Variants in MRPL18 observed in about 807,000 individuals in gnomAD.
The protein encoded by MRPL18 is large ribosomal subunit protein uL18m.
MRPL18 carries 16 observed loss-of-function variants against 20.9 expected under a neutral mutation model. The ratio of observed to expected loss-of-function variants is 0.76; its 90% CI spans 0.52 to 1.16. The LOEUF is 1.16. MRPL18 is among the 50% of genes most tolerant of loss of function. The pLI is 0.00. For synonymous variants in MRPL18, 91 were observed against 87.1 expected, an observed-to-expected ratio of 1.04 and a Z score of -0.25; for missense variants, 233 against 230.6, an observed-to-expected ratio of 1.01 and a Z score of -0.07.
chr6:159,794,778 G>A (rs926450209), intron 2 of MRPL18, among the ~76,000 whole-genome samples: 8 of 152,242 alleles, frequency 5.3e-5, no homozygotes, highest in African/African-American at 9.6e-5. Flanking sequence ...GGTGTTTCTT[G>A]TTAGGTGGAA....
chr6:159,793,907 G>A lies in MRPL18; in HGVS notation c.239+2781G>A, dbSNP rs571360657. Among the ~76,000 whole-genome samples the A allele has an allele frequency of 5.4e-3, 796 of 147,356 alleles. 5 individuals are homozygous for A. The highest frequency in any genetic ancestry group is 0.018 in the African/African-American group (750 of 40,660). On this transcript the variant is annotated intron_variant, in intron 2 of 3. Coordinates refer to ENST00000367034, the MANE Select transcript of MRPL18 (RefSeq NM_014161.5). ...AGCCTGGGCAACAGACTGAGACTCC[G>A]TCTCAAAAAAAAAAAAAGAGATTGT...
At chr6:159,793,123 G>A (rs557571805) in intron 2 of MRPL18, among the ~76,000 whole-genome samples, 26 of 151,946 alleles carry the variant, frequency 1.7e-4, no homozygotes, top group Non-Finnish European at 2.9e-4. Flanking sequence ...CACTGCACTC[G>A]GCCCCAACGC....
intron 2 of MRPL18, among the ~76,000 whole-genome samples, chr6:159,796,016 C>T (rs1422866152): frequency 2.0e-5 from 3 of 152,090 alleles, no homozygotes; most frequent in Non-Finnish European, 4.4e-5. Flanking sequence ...AACTCCTTGG[C>T]TCTAGCAGTC....
At chr6:159,791,362 A>G (rs1184005178) in intron 2 of MRPL18, among the ~76,000 whole-genome samples, 5 of 152,180 alleles carry the variant, frequency 3.3e-5, no homozygotes, top group Non-Finnish European at 5.9e-5. Flanking sequence ...GATCTGAAAG[A>G]GGAAGAAGCC....
At chr6:159,793,569 C>T (rs1780959482) in intron 2 of MRPL18, among the ~76,000 whole-genome samples, 1 of 152,170 alleles carries the variant, frequency 6.6e-6, no homozygotes, top group Admixed American at 6.5e-5. Flanking sequence ...AAAATATTTA[C>T]TATCTGGCAC....
At chr6:159,797,785 T>C (rs1424518294) in intron 3 of MRPL18, among the ~76,000 whole-genome samples, 1 of 152,214 alleles carries the variant, frequency 6.6e-6, no homozygotes, top group Non-Finnish European at 1.5e-5. Context: ...ACTGATTCTG[T>C]AGTCCATGAT....
At chr6:159,791,543 ACTTT>A (rs1366196779) in intron 2 of MRPL18, among the ~76,000 whole-genome samples, 1 of 152,168 alleles carries the variant, frequency 6.6e-6, no homozygotes, top group African/African-American at 2.4e-5. Context: ...AGCACTTTAG[ACTTT>A]CTTTTCATTA....
intron 2 of MRPL18, among the ~76,000 whole-genome samples, chr6:159,795,565 G>A (rs925731102): frequency 4.6e-5 from 7 of 152,272 alleles, no homozygotes; most frequent in Middle Eastern, 3.4e-3. Context: ...GCAGGGGGTT[G>A]GGGGTAAGGT....
intron 2 of MRPL18, among the ~76,000 whole-genome samples, chr6:159,792,090 G>A (rs1176139145): frequency 6.6e-6 from 1 of 152,170 alleles, no homozygotes; most frequent in Non-Finnish European, 1.5e-5. Context: ...ATTACATCAT[G>A]AAGCAGTTAT....
At chr6:159,795,304 C>G (rs1340756233) in intron 2 of MRPL18, among the ~76,000 whole-genome samples, 3 of 152,204 alleles carry the variant, frequency 2.0e-5, no homozygotes, top group African/African-American at 4.8e-5. Context: ...GGGGGACGGT[C>G]AGGTCTTTCC....
chr6:159,796,548 G>C (rs1781033262), intron 2 of MRPL18, among the ~76,000 whole-genome samples: 2 of 151,920 alleles, frequency 1.3e-5, no homozygotes, highest in Admixed American at 6.6e-5. Flanking sequence ...AGTGCTTTGG[G>C]AGGTTGAGAA....
rs770658075 is a variant in MRPL18 at position 159,790,596 on chromosome 6, T to G, written c.9T>G (p.Leu3=). ...CCGAGATCGTCTCAGCGATGGCGCT[T>G]CGGTCGCGGTTTTGGGGGTTGTTCT... MA[L]RSRFWGLFSV... is the part of the protein sequence containing the mutation. Residue 3 remains leucine (L), a synonymous_variant, in exon 1 of 4, where the codon CTT becomes CTG. Coordinates refer to ENST00000367034, the MANE Select transcript of MRPL18 (RefSeq NM_014161.5). 1.9e-6 allele frequency: 3 copies of G among 1,562,796 alleles called. No homozygotes were observed. Among genetic ancestry groups the G allele is most frequent in the Non-Finnish European group, 2.6e-6 (3 of 1,155,478 alleles).
At chr6:159,796,937 C>T (rs549405060) in intron 2 of MRPL18, among the ~76,000 whole-genome samples, 1 of 152,188 alleles carries the variant, frequency 6.6e-6, no homozygotes, top group East Asian at 1.9e-4. Flanking sequence ...TATTTTGGTG[C>T]TAGCTATAAA....
rs190274054 is a variant in MRPL18 at position 159,795,360 on chromosome 6, T to G, written c.240-1927T>G. 6.4e-3 allele frequency among the ~76,000 whole-genome samples: 978 copies of G among 152,366 alleles called. 8 individuals carry two copies. The highest frequency in any genetic ancestry group is 0.021 in the African/African-American group (889 of 41,582). The stretch of plus-strand genomic sequence containing the variant: ...CAGTCTATCACATGGGGAGAAACCT[T>G]GGACAATACCTGGCTTTCCTAGGCA... On this transcript the variant is annotated intron_variant, in intron 2 of 3. Transcript: ENST00000367034.
At chr6:159,794,936 G>A (rs1339892152) in intron 2 of MRPL18, among the ~76,000 whole-genome samples, 2 of 152,196 alleles carry the variant, frequency 1.3e-5, no homozygotes, top group Non-Finnish European at 2.9e-5. Flanking sequence ...TCTGAGAGGG[G>A]GATGTGTCAG....
At chr6:159,789,842 C>G (rs1325929113), upstream of MRPL18, 6 of 309,750 alleles carry the variant, frequency 1.9e-5, no homozygotes, top group Non-Finnish European at 3.8e-5. Flanking sequence ...TCGCCTCAAA[C>G]GATGTTGCGC....
chr6:159,796,848 T>C (rs1419506970), intron 2 of MRPL18, among the ~76,000 whole-genome samples: 2 of 152,188 alleles, frequency 1.3e-5, no homozygotes, highest in Non-Finnish European at 2.9e-5. Flanking sequence ...CTTGAGATTA[T>C]AAAAAAATTT....
chr6:159,793,060 C>T (rs1276560590), intron 2 of MRPL18, among the ~76,000 whole-genome samples: 1 of 151,454 alleles, frequency 6.6e-6, no homozygotes, highest in African/African-American at 2.4e-5. Context: ...CTCTTGAGCT[C>T]GAGAGATCTG....
In MRPL18 at chr6:159,790,490, C is replaced by T. The variant is rs553709849; in HGVS notation, c.-98C>T. On this transcript the variant is annotated 5_prime_UTR_variant, in exon 1 of 4. Coordinates refer to ENST00000367034, the MANE Select transcript of MRPL18 (RefSeq NM_014161.5). ...TGGAGAGTTTGGGGATCTACAGCAG[C>T]CAAAGGCTTGTCCCTGACTTTATAT... The T allele has an allele frequency of 2.8e-5, 44 of 1,547,776 alleles. No homozygotes were observed. In the East Asian group the frequency reaches 5.2e-4, roughly 18 times the overall value.
Sources: allele counts gnomAD v4.1 joint callset (sites outside exome capture counted in the v4.1 genomes callset), GRCh38; gene constraint gnomAD v4.1.1; transcripts MANE v1.5; gene names NCBI Gene and HGNC (gene_info 2026-07-23, HGNC 2026-07-21).